NAV3: variants seen among roughly 807,000 people sequenced by gnomAD.
The protein encoded by NAV3 is neuron navigator 3, also known as pore membrane and/or filament interacting like protein 1.
A neutral mutation model predicts 244.7 loss-of-function variants in NAV3; 87 were observed. The ratio of observed to expected loss-of-function variants is 0.36; its 90% CI spans 0.30 to 0.42. The LOEUF is 0.42. Among genes scored for constraint, NAV3 ranks in the 20% least tolerant of loss-of-function variants. The pLI is 1.00. For missense variants in NAV3, 2,663 were observed against 2,893.3 expected, an observed-to-expected ratio of 0.92 and a Z score of 1.83; for synonymous variants, 1,126 against 1,042.2, an observed-to-expected ratio of 1.08 and a Z score of -1.55.
At chr12:77,634,944 TGTGGCTGGGCCTG>T (rs1872090568) in intron 2 of NAV3, among the ~76,000 whole-genome samples, 1 of 152,152 alleles carries the variant, frequency 6.6e-6, no homozygotes, top group African/African-American at 2.4e-5. Flanking sequence ...AATAGGGTCT[TGTGGCTGGGCCTG>T]GTGGCTCATG....
At chr12:78,199,199 G>C in intron 36 of NAV3, 136 bp from the exon 37 acceptor site, 1 of 736,990 alleles carries the variant, frequency 1.4e-6, no homozygotes, top group Non-Finnish European at 2.2e-6. Flanking sequence ...TGAAAAGGTG[G>C]CCACCAATTG....
At chr12:77,715,255 C>A (rs1180935193) in intron 2 of NAV3, among the ~76,000 whole-genome samples, 8 of 151,844 alleles carry the variant, frequency 5.3e-5, no homozygotes, top group Admixed American at 5.3e-4. Context: ...TTGAAAATGA[C>A]ACCTTTAGTT....
chr12:77,974,942 A>G (rs901350282), intron 5 of NAV3, among the ~76,000 whole-genome samples: 2 of 152,114 alleles, frequency 1.3e-5, no homozygotes. Context: ...AAATACGTTG[A>G]CCCACATTAA....
At chr12:78,177,707 G>T (rs749955582) in intron 28 of NAV3, 22 bp downstream of exon 28, 2 of 1,593,460 alleles carry the variant, frequency 1.3e-6, no homozygotes, top group Middle Eastern at 1.7e-4. Context: ...TGCGATGCAT[G>T]AATACTGCAA....
intron 2 of NAV3, among the ~76,000 whole-genome samples, chr12:77,752,932 C>T (rs1868936036): frequency 6.6e-6 from 1 of 152,124 alleles, no homozygotes; most frequent in Non-Finnish European, 1.5e-5. Context: ...ATTCTGGGTT[C>T]ATTACCATAT....
chr12:77,660,431 A>G (rs951854907), intron 2 of NAV3, among the ~76,000 whole-genome samples: 4 of 152,282 alleles, frequency 2.6e-5, no homozygotes, highest in East Asian at 1.9e-4. Flanking sequence ...TTATGAACCA[A>G]TTGTGTGTCT....
At chr12:77,661,206 T>A (rs775656972) in intron 2 of NAV3, among the ~76,000 whole-genome samples, 1 of 152,186 alleles carries the variant, frequency 6.6e-6, no homozygotes, top group African/African-American at 2.4e-5. Flanking sequence ...CCGCCAGCCA[T>A]GTCTGAGAGT....
chr12:77,960,468 CACAT>C (rs1275052277), intron 3 of NAV3, among the ~76,000 whole-genome samples: 2 of 149,498 alleles, frequency 1.3e-5, no homozygotes, highest in African/African-American at 2.5e-5. Flanking sequence ...CACACACACA[CACAT>C]ATACATAAAC....
intron 8 of NAV3, among the ~76,000 whole-genome samples, chr12:78,020,356 G>T (rs1003953024): frequency 6.6e-6 from 1 of 152,134 alleles, no homozygotes; most frequent in Non-Finnish European, 1.5e-5. Flanking sequence ...CTACTTTGAG[G>T]TCTTTTTTTC....
Position 78,210,630 on chromosome 12 carries a change from CAGAGTTGTGGTCTCCA to C in NAV3, c.*116_*131del. ...AAGCACCCTGTCAAGGGCCCTGACC[CAGAGTTGTGGTCTCCA>C]AGGAGGCAGCAGAACTAAGTCTGAA... On this transcript the variant is annotated 3_prime_UTR_variant, in exon 40 of 40. Coordinates refer to ENST00000397909, the MANE Select transcript of NAV3 (RefSeq NM_001024383.2). 2.3e-6 allele frequency: 3 copies of C among 1,306,616 alleles called. No individual in the cohort carries two copies. In the South Asian group the frequency reaches 4.6e-5, roughly 20 times the overall value. The allele number at this position is 1,306,616 out of a possible 1,614,324, so 80.9% of individuals were successfully genotyped here.
chr12:77,826,896 A>G (rs1442608506), upstream of NAV3, among the ~76,000 whole-genome samples: 1 of 152,170 alleles, frequency 6.6e-6, no homozygotes, highest in Non-Finnish European at 1.5e-5. Context: ...TTTTACTTAT[A>G]TGTAAATTCC....
intron 22 of NAV3, among the ~76,000 whole-genome samples, chr12:78,151,311 C>T (rs908425083): frequency 4.6e-5 from 7 of 152,048 alleles, no homozygotes; most frequent in African/African-American, 1.7e-4. Flanking sequence ...TCTCAAATCA[C>T]ATTAGATCCA....
chr12:77,708,080 A>G (rs1266969144), intron 2 of NAV3, among the ~76,000 whole-genome samples: 4 of 152,088 alleles, frequency 2.6e-5, no homozygotes, highest in Non-Finnish European at 5.9e-5. Context: ...CCATTTCTCA[A>G]TTTTGGCTTT....
At position 77,601,734 on chromosome 12, in the gene NAV3, C is replaced by T. The variant is rs191453987; in HGVS notation, c.72+29468C>T. ...GTTTTATAGAAGATTATACCTTAGG[C>T]TCCTGAAGAATAGACTGTGTCTTGA... is the stretch of plus-strand genomic sequence containing the variant. On this transcript the variant is annotated intron_variant, in intron 2 of 8. Coordinates refer to the NAV3 transcript ENST00000550042. 4.5e-3 allele frequency among the ~76,000 whole-genome samples: 677 copies of T among 152,080 alleles called. 3 individuals carry two copies. Among genetic ancestry groups the T allele is most frequent in the African/African-American group, 0.016 (647 of 41,536 alleles).
chr12:78,051,159 T>C lies in NAV3; in HGVS notation c.2516+12T>C, dbSNP rs1882700269. 13 of 1,592,022 alleles carry C rather than the reference T, an allele frequency of 8.2e-6. No homozygotes were observed. Among genetic ancestry groups the C allele is most frequent in the Non-Finnish European group, 1.1e-5 (13 of 1,164,112 alleles). ...GACATCAACAGTGGGTAAGTAACCCTGTTCTCCGTCAGCATTGTGTGAAGA... is the reference window on the plus strand; with the variant it reads ...GACATCAACAGTGGGTAAGTAACCCCGTTCTCCGTCAGCATTGTGTGAAGA... On this transcript the variant is annotated intron_variant, in intron 11 of 39. Transcript: ENST00000397909.
At chr12:78,054,471 G>A (rs1164859196) in intron 11 of NAV3, among the ~76,000 whole-genome samples, 1 of 152,148 alleles carries the variant, frequency 6.6e-6, no homozygotes, top group African/African-American at 2.4e-5. Flanking sequence ...AACAGTCATA[G>A]AACATGGCAT....
At chr12:78,143,371 C>T (rs1460991518) in intron 20 of NAV3, 9 of 450,794 alleles carry the variant, frequency 2.0e-5, no homozygotes, top group South Asian at 3.1e-5. Flanking sequence ...TGGCTCATGC[C>T]GGTAATCTCA....
At position 77,923,197 on chromosome 12, in the gene NAV3, A is replaced by C. The variant is rs1887875768; in HGVS notation, c.244-17122A>C. 4.6e-5 allele frequency among the ~76,000 whole-genome samples: 7 copies of C among 152,138 alleles called. No homozygotes were observed. In the South Asian group the frequency reaches 1.4e-3, roughly 31 times the overall value. ...CATAAAAAGAGAATAAAGGAATGTC[A>C]TAGTGGTATGTGGTAAGTCTAAAGT... is the stretch of plus-strand genomic sequence containing the variant. On this transcript the variant is annotated intron_variant, in intron 1 of 39. Transcript: ENST00000397909.
chr12:77,627,272 A>G (rs546005122), intron 2 of NAV3, among the ~76,000 whole-genome samples: 2 of 152,308 alleles, frequency 1.3e-5, no homozygotes, highest in South Asian at 4.1e-4. Flanking sequence ...CTTTAAGTAA[A>G]AAATATATGA....
Sources: allele counts gnomAD v4.1 joint callset (sites outside exome capture counted in the v4.1 genomes callset), GRCh38; gene constraint gnomAD v4.1.1; transcripts MANE v1.5; gene names NCBI Gene and HGNC (gene_info 2026-07-23, HGNC 2026-07-21).